ANXA2: variants seen among roughly 807,000 people sequenced by gnomAD.
ANXA2 encodes the protein annexin II.
ANXA2 carries 28 observed loss-of-function variants against 47.3 expected under a neutral mutation model. The observed-to-expected ratio is 0.59, with a 90% confidence interval of 0.44 to 0.81. ANXA2 has a LOEUF of 0.81. Ranked by LOEUF, ANXA2 falls within the 40% of genes least tolerant of loss-of-function variation. The pLI is 0.00. For synonymous variants in ANXA2, 172 were observed against 155.5 expected (o/e 1.11, Z -0.79); for missense variants, 384 against 414.3 (o/e 0.93, Z 0.64).
At position 60,351,718 on chromosome 15, in the gene ANXA2, A is replaced by G; in HGVS notation, c.778+6T>C. The G allele has an allele frequency of 6.3e-7, 1 of 1,597,490 alleles. No individual in the cohort carries two copies. ...TCTACCAGGAATGGGGGCCACATTCACTTACCCAGGTTCAGGAAAGCATTT... is the reference window on the plus strand; with the variant it reads ...TCTACCAGGAATGGGGGCCACATTCGCTTACCCAGGTTCAGGAAAGCATTT... On this transcript the variant is annotated splice_donor_region_variant and intron_variant, in intron 10 of 12. Coordinates refer to ENST00000451270, the MANE Select transcript of ANXA2 (RefSeq NM_004039.3).
At position 60,397,974 on chromosome 15, in the gene ANXA2, C is replaced by G; in HGVS notation, c.-43G>C. The G allele has an allele frequency of 8.0e-7, 1 of 1,252,050 alleles. No homozygotes were observed. The highest frequency in any genetic ancestry group is 1.0e-6 in the Non-Finnish European group (1 of 992,010). The allele number at this position is 1,252,050 out of a possible 1,614,324, so 77.6% of individuals were successfully genotyped here. Reference sequence around the variant, plus strand: ...CGTGCGCCGAGAGCTGAGAGCGTCCCCAAATGCTGAGCAGAGCCGGCTGGC... The same window carrying G: ...CGTGCGCCGAGAGCTGAGAGCGTCCGCAAATGCTGAGCAGAGCCGGCTGGC... On this transcript the variant is annotated 5_prime_UTR_variant, in exon 1 of 13. Transcript: ENST00000451270.
At chr15:60,360,588 T>C (rs1174399397) in intron 5 of ANXA2, among the ~76,000 whole-genome samples, 1 of 152,002 alleles carries the variant, frequency 6.6e-6, no homozygotes, top group Non-Finnish European at 1.5e-5. Flanking sequence ...AAGCTTCACT[T>C]AACAAAAGCT....
chr15:60,368,661 A>G (rs2062671866), intron 3 of ANXA2, among the ~76,000 whole-genome samples: 1 of 152,050 alleles, frequency 6.6e-6, no homozygotes, highest in Non-Finnish European at 1.5e-5. Flanking sequence ...AAGTCTCTAT[A>G]TCAAAATTTT....
intron 8 of ANXA2, among the ~76,000 whole-genome samples, chr15:60,353,303 A>G (rs192407782): frequency 1.3e-5 from 2 of 152,320 alleles, no homozygotes; most frequent in South Asian, 4.1e-4. Context: ...CAAAAGTCTT[A>G]TTCAGCCAGA....
chr15:60,396,375 G>C (rs1463992215), intron 1 of ANXA2: 1 of 152,168 alleles, frequency 6.6e-6, no homozygotes, highest in Non-Finnish European at 1.5e-5. Flanking sequence ...AGCGTAACTG[G>C]ACCGGCCTGG....
chr15:60,393,375 C>T, intron 1 of ANXA2: 1 of 1,001,130 alleles, frequency 1.0e-6, no homozygotes, highest in Non-Finnish European at 1.2e-6. Context: ...TCCAGGCCTT[C>T]AAGTCTGCAA....
rs1404412032 is a variant in ANXA2 at position 60,389,442 on chromosome 15, A to C, written c.-11-3356T>G. Among the ~76,000 whole-genome samples the C allele has an allele frequency of 3.3e-5, 5 of 152,244 alleles. No homozygotes were observed. The East Asian group carries it at 9.6e-4, about 29-fold the overall frequency. ...CTCTGAGCTTTGTAGACTGCTGCCT[A>C]CCCGTGTCCCACATGGGACTCCCCA... On this transcript the variant is annotated intron_variant, in intron 1 of 12. Transcript: ENST00000451270.
chr15:60,388,901 C>T (rs112029994), intron 1 of ANXA2, among the ~76,000 whole-genome samples: 3 of 70,182 alleles, frequency 4.3e-5, no homozygotes, highest in African/African-American at 1.2e-4. Flanking sequence ...GCCACTACAC[C>T]TGGCTTTTTT....
chr15:60,366,182 G>A (rs1201400978), intron 3 of ANXA2, among the ~76,000 whole-genome samples: 2 of 145,324 alleles, frequency 1.4e-5, no homozygotes, highest in African/African-American at 5.2e-5. Context: ...GTGCAGTGGC[G>A]TGATCTCGGC....
Position 60,360,604 on chromosome 15 carries a change from T to G in ANXA2, c.357+337A>C, listed in dbSNP as rs919406720. Among the ~76,000 whole-genome samples the G allele has an allele frequency of 1.4e-5, 2 of 144,636 alleles. 1 individual carries two copies. Among genetic ancestry groups the G allele is most frequent in the South Asian group, 4.2e-4 (2 of 4,778 alleles). 94.9% of individuals were successfully genotyped at this position (144,636 alleles called of 152,430 possible). On this transcript the variant is annotated intron_variant, in intron 5 of 12. Transcript: ENST00000451270. The stretch of plus-strand genomic sequence containing the variant: ...AGCTTCACTTAACAAAAGCTATGAG[T>G]TTTTTTTTCTTGCCTTAATATCACA...
intron 5 of ANXA2, among the ~76,000 whole-genome samples, chr15:60,359,080 AT>A (rs971312517): frequency 2.6e-5 from 4 of 151,898 alleles, no homozygotes; most frequent in South Asian, 2.1e-4. Context: ...GTCAAAACAG[AT>A]TTTTTTTTAA....
In ANXA2 at chr15:60,351,831, C is replaced by T. The variant is rs750920398; in HGVS notation, c.683-12G>A. Reference sequence around the variant, plus strand: ...GTACCTATCAAATACTGAGGAAAAACAACAAAGAGTTATCAGATCCGAGCC... The same window carrying T: ...GTACCTATCAAATACTGAGGAAAAATAACAAAGAGTTATCAGATCCGAGCC... On this transcript the variant is annotated splice_polypyrimidine_tract_variant and intron_variant, in intron 9 of 12. Coordinates refer to ENST00000451270, the MANE Select transcript of ANXA2 (RefSeq NM_004039.3). 5 of 1,572,504 alleles carry T rather than the reference C, an allele frequency of 3.2e-6. No homozygotes were observed. In the East Asian group the frequency reaches 1.1e-4, roughly 35 times the overall value.
chr15:60,365,996 G>C (rs1293213278), intron 3 of ANXA2, among the ~76,000 whole-genome samples: 2 of 141,396 alleles, frequency 1.4e-5, no homozygotes, highest in African/African-American at 2.7e-5. Flanking sequence ...TTGCAGGCGC[G>C]CGCCGCCACG....
chr15:60,357,117 G>C (rs376644731), intron 6 of ANXA2, 29 bp downstream of exon 6: 108 of 1,600,622 alleles, frequency 6.7e-5, no homozygotes, highest in African/African-American at 6.7e-4. Flanking sequence ...TGGGCTGAGA[G>C]GATGAATCAC....
intron 12 of ANXA2, among the ~76,000 whole-genome samples, chr15:60,348,305 C>T (rs571678629): frequency 6.6e-6 from 1 of 152,346 alleles, no homozygotes; most frequent in South Asian, 2.1e-4. Flanking sequence ...AGTGGTACCA[C>T]TGTGAATGCC....
At position 60,349,063 on chromosome 15, in the gene ANXA2, C is replaced by G; in HGVS notation, c.960+12G>C. On this transcript the variant is annotated intron_variant, in intron 12 of 12. Transcript: ENST00000451270. ...GACGGCAGGGCAGGCTGACACTGCA[C>G]CTCGGGCTTACCTGGATATAATAGT... 1 of 1,613,864 alleles carries G rather than the reference C, an allele frequency of 6.2e-7. No homozygotes were observed. Among genetic ancestry groups the G allele is most frequent in the Non-Finnish European group, 8.5e-7 (1 of 1,179,944 alleles).
chr15:60,396,612 A>G (rs371756232), intron 1 of ANXA2, among the ~76,000 whole-genome samples: 1 of 152,310 alleles, frequency 6.6e-6, no homozygotes, highest in African/African-American at 2.4e-5. Flanking sequence ...CACCAATCCC[A>G]TAATCAGGCA....
Position 60,347,411 on chromosome 15 carries a change from C to T in ANXA2, c.*219G>A, listed in dbSNP as rs11553797. On this transcript the variant is annotated 3_prime_UTR_variant, in exon 13 of 13. Coordinates refer to ENST00000451270, the MANE Select transcript of ANXA2 (RefSeq NM_004039.3). ...GCAAAGTGTTTCACATCATAGACTT[C>T]ACTTCCAACTCCTTGGAATGTTCAT... is the stretch of plus-strand genomic sequence containing the variant. 9,686 of 595,164 alleles carry T rather than the reference C, an allele frequency of 0.016. 112 individuals carry two copies. Among genetic ancestry groups the T allele is most frequent in the Non-Finnish European group, 0.022 (7,447 of 334,234 alleles). The allele number at this position is 595,164 out of a possible 1,614,324, so 36.9% of individuals were successfully genotyped here.
In ANXA2 at chr15:60,382,418, A is replaced by G; in HGVS notation, c.72T>C (p.Tyr24=). The G allele has an allele frequency of 1.2e-6, 2 of 1,613,816 alleles. No homozygotes were observed. Among genetic ancestry groups the G allele is most frequent in the East Asian group, 2.2e-5 (1 of 44,874 alleles). The change falls in exon 3 of 13, where the codon TAT becomes TAC. Residue 24 remains tyrosine, a synonymous_variant. Coordinates refer to ENST00000451270, the MANE Select transcript of ANXA2 (RefSeq NM_004039.3). ...AGTTAGTATAGGCTTTGACAGACCCATATGCACTTGGGGGTGTAGAGTGCT... is the reference window on the plus strand; with the variant it reads ...AGTTAGTATAGGCTTTGACAGACCCGTATGCACTTGGGGGTGTAGAGTGCT... ...EGDHSTPPSA[Y]GSVKAYTNFD...
Sources: allele counts gnomAD v4.1 joint callset (sites outside exome capture counted in the v4.1 genomes callset), GRCh38; gene constraint gnomAD v4.1.1; transcripts MANE v1.5; gene names NCBI Gene and HGNC (gene_info 2026-07-23, HGNC 2026-07-21).